EXOC6B: variants seen among roughly 807,000 people sequenced by gnomAD.
EXOC6B encodes the protein SEC15 homolog B.
In EXOC6B, 54 loss-of-function variants were observed where a neutral mutation model predicts 113.5. That is an observed-to-expected ratio of 0.48 (90% confidence interval 0.38 to 0.60). The LOEUF is 0.60. Among genes scored for constraint, EXOC6B ranks in the 20% least tolerant of loss-of-function variants. The pLI, the probability that EXOC6B is intolerant of heterozygous loss-of-function variation, is 0.00. For missense variants in EXOC6B, 797 were observed against 977.5 expected (o/e 0.82, Z 2.46); for synonymous variants, 357 against 339.0 (o/e 1.05, Z -0.58).
chr2:72,345,736 T>G (rs1327940063), intron 19 of EXOC6B, among the ~76,000 whole-genome samples: 2 of 152,168 alleles, frequency 1.3e-5, no homozygotes, highest in Non-Finnish European at 2.9e-5. Flanking sequence ...CTATTCTCTA[T>G]AAAATTACAA....
rs1671131383 is a variant in EXOC6B, at chr2:72,612,424, A to G, written c.670-36756T>C. 2.6e-5 allele frequency among the ~76,000 whole-genome samples: 4 copies of G among 152,268 alleles called. No individual in the cohort carries two copies. In the South Asian group the frequency reaches 8.3e-4, roughly 32 times the overall value. On this transcript the variant is annotated intron_variant, in intron 6 of 21. Coordinates refer to ENST00000272427, the MANE Select transcript of EXOC6B (RefSeq NM_015189.3). ...GGCAGATGCTGGTCTTTGCCTATCC[A>G]TTATCAATTCCCTCCTTCTCCCATA... is the stretch of plus-strand genomic sequence containing the variant.
intron 5 of EXOC6B, among the ~76,000 whole-genome samples, chr2:72,720,013 G>A (rs1679889841): frequency 6.6e-6 from 1 of 152,036 alleles, no homozygotes; most frequent in Admixed American, 6.6e-5. Flanking sequence ...CAAAAGAGTA[G>A]GAAAGAAATG....
rs375068052 is a variant in EXOC6B, at chr2:72,234,536, T to C, written c.2197-50349A>G. The stretch of plus-strand genomic sequence containing the variant: ...TTCATTATGAAAACACCAAAAGCAA[T>C]TGCAACAAAAACAAAAATTAATAAA... On this transcript the variant is annotated intron_variant, in intron 20 of 21. Transcript: ENST00000272427. Among the ~76,000 whole-genome samples the C allele has an allele frequency of 1.2e-4, 19 of 152,050 alleles. 1 individual carries two copies. The highest frequency in any genetic ancestry group is 4.6e-4 in the African/African-American group (19 of 41,492).
chr2:72,456,891 G>A (rs1414456453), intron 18 of EXOC6B, among the ~76,000 whole-genome samples: 1 of 152,042 alleles, frequency 6.6e-6, no homozygotes, highest in Non-Finnish European at 1.5e-5. Context: ...CATCTGGTTA[G>A]GAGAACTGGT....
At chr2:72,401,222 G>A (rs1001012830) in intron 18 of EXOC6B, among the ~76,000 whole-genome samples, 2 of 151,182 alleles carry the variant, frequency 1.3e-5, no homozygotes, top group African/African-American at 2.4e-5. Context: ...GCACTTTGGG[G>A]AGGCTGAGGT....
chr2:72,271,624 A>G (rs530229442), intron 20 of EXOC6B, among the ~76,000 whole-genome samples: 1 of 151,848 alleles, frequency 6.6e-6, no homozygotes, highest in East Asian at 1.9e-4. Flanking sequence ...GAAAAAAAAA[A>G]CCCTTGTTAT....
At chr2:72,581,309 C>T (rs765367930) in intron 6 of EXOC6B, among the ~76,000 whole-genome samples, 16 of 151,800 alleles carry the variant, frequency 1.1e-4, no homozygotes, top group Non-Finnish European at 1.9e-4. Context: ...GTATCAGATT[C>T]GAACAAACAA....
chr2:72,184,114 A>T lies in EXOC6B; in HGVS notation c.2270T>A (p.Leu757His). The T allele has an allele frequency of 6.4e-7, 1 of 1,565,950 alleles. No homozygotes were observed. The highest frequency in any genetic ancestry group is 8.7e-7 in the Non-Finnish European group (1 of 1,154,438). The change falls in exon 21 of 22, where the codon CTC (leucine) becomes CAC (histidine). Residue 757 changes from leucine (L) to histidine (H), a missense_variant. By Grantham distance (99) the Leu-to-His change is moderately conservative. Transcript: ENST00000272427. ...CAGAGCAGTCACTGGGTTTACCCGG[A>T]GGTACTTGCAGTTGGGCTGACCATA... ...ADYGQPNCKY[L>H]RVNPVTALTL... is the part of the protein sequence containing the mutation.
intron 20 of EXOC6B, among the ~76,000 whole-genome samples, chr2:72,245,788 G>C (rs939863853): frequency 6.6e-6 from 1 of 151,962 alleles, no homozygotes; most frequent in Non-Finnish European, 1.5e-5. Context: ...GTAAATTATG[G>C]AACTTAAAGA....
At chr2:72,295,492 G>A (rs1026170477) in intron 20 of EXOC6B, among the ~76,000 whole-genome samples, 1 of 152,136 alleles carries the variant, frequency 6.6e-6, no homozygotes, top group Non-Finnish European at 1.5e-5. Flanking sequence ...ACTGTTTTAG[G>A]CTTTGCATGC....
intron 1 of EXOC6B, among the ~76,000 whole-genome samples, chr2:72,750,333 G>A (rs149745844): frequency 3.7e-4 from 57 of 152,148 alleles, no homozygotes; most frequent in African/African-American, 1.2e-3. Flanking sequence ...TCCATGAACC[G>A]TATGGAAGAT....
chr2:72,603,580 T>G (rs1002322878), intron 6 of EXOC6B, among the ~76,000 whole-genome samples: 22 of 152,324 alleles, frequency 1.4e-4, no homozygotes, highest in African/African-American at 5.3e-4. Context: ...GCTCCCCGTG[T>G]GTAACTCATG....
chr2:72,226,112 A>T (rs749178918), intron 20 of EXOC6B, among the ~76,000 whole-genome samples: 1 of 152,194 alleles, frequency 6.6e-6, no homozygotes, highest in Non-Finnish European at 1.5e-5. Context: ...CATTTGCTGG[A>T]AAAAGAGGGG....
chr2:72,492,495 C>T lies in EXOC6B; in HGVS notation c.1554-66G>A, dbSNP rs1699797220. 1.3e-5 allele frequency: 12 copies of T among 903,846 alleles called. No homozygotes were observed. In the Middle Eastern group the frequency reaches 8.8e-4, roughly 66 times the overall value. The allele number at this position is 903,846 out of a possible 1,614,324, so 56.0% of individuals were successfully genotyped here. A position where few individuals can be genotyped will look rare whatever the true frequency, so the allele number is the denominator to read the frequency against. Reference sequence around the variant, plus strand: ...GAATTATTTCGGCAAACAAACGGTGCCAGTGGTATTCGTGGTAATAATAAT... The same window carrying T: ...GAATTATTTCGGCAAACAAACGGTGTCAGTGGTATTCGTGGTAATAATAAT... On this transcript the variant is annotated intron_variant, in intron 15 of 21. Transcript: ENST00000272427.
chr2:72,731,390 T>C (rs890298742), intron 3 of EXOC6B, 145 bp from the exon 4 acceptor site: 3 of 640,432 alleles, frequency 4.7e-6, no homozygotes, highest in Non-Finnish European at 8.3e-6. Flanking sequence ...AGGAACTGCC[T>C]TTCCTAACCA....
intron 20 of EXOC6B, among the ~76,000 whole-genome samples, chr2:72,278,901 C>G (rs1049477597): frequency 6.6e-6 from 1 of 152,036 alleles, no homozygotes; most frequent in Non-Finnish European, 1.5e-5. Flanking sequence ...TATTTAATAT[C>G]CACAAGGCTC....
chr2:72,265,293 T>A (rs967385574), intron 20 of EXOC6B, among the ~76,000 whole-genome samples: 2 of 150,724 alleles, frequency 1.3e-5, no homozygotes, highest in African/African-American at 2.5e-5. Context: ...AGGGTACATG[T>A]GCACAATGTG....
At position 72,400,521 on chromosome 2, in the gene EXOC6B, A is replaced by T. The variant is rs1693064855; in HGVS notation, c.1981-20651T>A. On this transcript the variant is annotated intron_variant, in intron 18 of 21. Transcript: ENST00000272427. ...AACAGACAAAATACAGAATGGGAGAAAATGTTTGCAAGCTATGCATCTGAC... is the reference window on the plus strand; with the variant it reads ...AACAGACAAAATACAGAATGGGAGATAATGTTTGCAAGCTATGCATCTGAC... Among the ~76,000 whole-genome samples the T allele has an allele frequency of 2.0e-5, 3 of 152,120 alleles. No individual in the cohort carries two copies. The South Asian group carries it at 6.2e-4, about 31-fold the overall frequency.
chr2:72,600,523 A>G (rs1220827549), intron 6 of EXOC6B, among the ~76,000 whole-genome samples: 1 of 151,984 alleles, frequency 6.6e-6, no homozygotes, highest in Admixed American at 6.6e-5. Context: ...AATCAAAAGA[A>G]CAGAATACTG....
Sources: gnomAD v4.1 joint callset for allele counts (sites outside exome capture counted in the v4.1 genomes callset) on GRCh38, gnomAD v4.1.1 for gene constraint, MANE v1.5 for transcripts, NCBI Gene and HGNC (gene_info 2026-07-23, HGNC 2026-07-21) for gene names.